Variants in ACOT9 observed in about 807,000 individuals in gnomAD.
The protein encoded by ACOT9 is acyl-CoA thioesterase 9.
ACOT9 carries 34 observed loss-of-function variants against 39.7 expected under a neutral mutation model. The ratio of observed to expected loss-of-function variants is 0.86; its 90% CI spans 0.65 to 1.14. The LOEUF (loss-of-function observed/expected upper bound fraction) is 1.14, where lower values mean the gene tolerates loss of function less well. ACOT9 is among the 50% of genes most tolerant of loss of function. ACOT9 has a pLI of 0.00. For missense variants in ACOT9, 313 were observed against 344.1 expected, an observed-to-expected ratio of 0.91 and a Z score of 0.71; for synonymous variants, 110 against 120.5, an observed-to-expected ratio of 0.91 and a Z score of 0.57.
intron 9 of ACOT9, among the ~76,000 whole-genome samples, chrX:23,710,079 T>C (rs1399415034): frequency 6.3e-5 from 7 of 111,571 alleles, no homozygotes; most frequent in Non-Finnish European, 1.1e-4. Flanking sequence ...TTAGTAGAGA[T>C]GGGGATTCGC....
At chrX:23,731,094 G>A in intron 4 of ACOT9, 108 bp from the exon 5 acceptor site, 1 of 616,082 alleles carries the variant, frequency 1.6e-6, no homozygotes, top group South Asian at 4.3e-5. Context: ...AGAAGGTCTG[G>A]GCCTACTTTC....
At position 23,730,431 on chromosome X, in the gene ACOT9, T is replaced by C. The variant is rs757483437; in HGVS notation, c.400+96A>G. The stretch of plus-strand genomic sequence containing the variant: ...TTTTGTGCACTTTAGAATATCATCA[T>C]CTGTGCAGGTTAAAGAATAAAAGAG... On this transcript the variant is annotated intron_variant, in intron 6 of 15. Transcript: ENST00000379303. 128 of 686,976 alleles carry C rather than the reference T, an allele frequency of 1.9e-4. 1 individual carries two copies. In the South Asian group the frequency reaches 2.9e-3, roughly 16 times the overall value. 56.6% of individuals were successfully genotyped at this position (686,976 alleles called of 1,213,427 possible).
chrX:23,730,934 T>A lies in ACOT9; in HGVS notation c.244A>T (p.Lys82Ter). The stretch of plus-strand genomic sequence containing the variant: ...CTAGGAGGCAGTCCATCCTGTGATT[T>A]AGCCAAGAAACTATGAAGTAATTTC... ...ERKLLHSFLA[K>*]SQDGLPPRRM... Residue 82 changes from lysine to a stop codon, truncating the protein, a stop_gained, in exon 5 of 16, where the codon AAA becomes TAA. Transcript: ENST00000379303. LOFTEE classifies it high-confidence loss of function. 4.1e-6 allele frequency: 5 copies of A among 1,211,175 alleles called. No individual in the cohort carries two copies. The highest frequency in any genetic ancestry group is 5.6e-6 in the Non-Finnish European group (5 of 894,889).
At chrX:23,721,714 A>T (rs1197645425) in intron 8 of ACOT9, among the ~76,000 whole-genome samples, 167 bp downstream of exon 8, 2 of 112,428 alleles carry the variant, frequency 1.8e-5, no homozygotes, top group Non-Finnish European at 3.7e-5. Context: ...TTTGTCCACA[A>T]GGAGGATATT....
At chrX:23,741,608 C>A (rs183446978) in intron 1 of ACOT9, among the ~76,000 whole-genome samples, 1 of 112,254 alleles carries the variant, frequency 8.9e-6, no homozygotes, top group African/African-American at 3.2e-5. Flanking sequence ...AGAACCTAAT[C>A]ATCTCAGTCT....
intron 15 of ACOT9, 24 bp from the exon 16 acceptor site, chrX:23,704,006 T>C: frequency 1.8e-6 from 2 of 1,141,229 alleles, no homozygotes; most frequent in Non-Finnish European, 2.4e-6. Context: ...AAGAGAACCT[T>C]GGAGAAACTT....
chrX:23,733,410 C>T (rs1929825687), intron 3 of ACOT9, among the ~76,000 whole-genome samples, 193 bp from the exon 4 acceptor site: 1 of 111,855 alleles, frequency 8.9e-6, no homozygotes, highest in Non-Finnish European at 1.9e-5. Flanking sequence ...CCTGAAAGAA[C>T]TATACTGTCT....
At chrX:23,710,472 G>A (rs1223178925) in intron 9 of ACOT9, among the ~76,000 whole-genome samples, 1 of 111,883 alleles carries the variant, frequency 8.9e-6, no homozygotes, top group South Asian at 3.7e-4. Flanking sequence ...AACTCCCACC[G>A]CCCAAAGAAG....
At chrX:23,709,010 A>G (rs764008041) in intron 9 of ACOT9, among the ~76,000 whole-genome samples, 1 of 112,481 alleles carries the variant, frequency 8.9e-6, no homozygotes, top group South Asian at 3.6e-4. Context: ...TGTAAGCATC[A>G]AATTTTTTGA....
intron 11 of ACOT9, 47 bp from the exon 12 acceptor site, chrX:23,705,905 T>G: frequency 9.7e-7 from 1 of 1,035,744 alleles, no homozygotes; most frequent in Non-Finnish European, 1.4e-6. Context: ...CATGGTTCTC[T>G]TGTTGAAAAG....
intron 6 of ACOT9, among the ~76,000 whole-genome samples, chrX:23,724,881 A>G (rs996140929): frequency 2.7e-5 from 3 of 111,631 alleles, no homozygotes; most frequent in Non-Finnish European, 5.6e-5. Flanking sequence ...AGGTTGCAGT[A>G]GGCTATGATT....
At chrX:23,708,938 C>T (rs771068603) in intron 9 of ACOT9, among the ~76,000 whole-genome samples, 1 of 111,904 alleles carries the variant, frequency 8.9e-6, no homozygotes, top group Admixed American at 9.6e-5. Context: ...AAGAGAATTA[C>T]GCAAATGTAA....
chrX:23,717,245 C>T (rs1455858589), intron 8 of ACOT9, among the ~76,000 whole-genome samples: 3 of 110,868 alleles, frequency 2.7e-5, no homozygotes, highest in Non-Finnish European at 5.7e-5. Flanking sequence ...CTGCCTCGGC[C>T]TCCCAAAGTC....
rs139891925 is a variant in ACOT9 at position 23,735,134 on chromosome X, G to A, written c.119-767C>T. 3.2e-3 allele frequency among the ~76,000 whole-genome samples: 331 copies of A among 104,195 alleles called. 7 individuals are homozygous for A. The East Asian group carries it at 0.035, about 11-fold the overall frequency. 90.5% of individuals were successfully genotyped at this position (104,195 alleles called of 115,157 possible). On this transcript the variant is annotated intron_variant, in intron 2 of 15. Coordinates refer to ENST00000379303, the MANE Select transcript of ACOT9 (RefSeq NM_001037171.2). ...CTAAAAATACAAAAATTAGTTGGGC[G>A]TGGTGGAGCATGCCTGTAATCCTAG... is the stretch of plus-strand genomic sequence containing the variant.
intron 6 of ACOT9, among the ~76,000 whole-genome samples, chrX:23,729,527 T>C (rs1220379975): frequency 8.9e-6 from 1 of 112,688 alleles, no homozygotes; most frequent in East Asian, 2.8e-4. Flanking sequence ...TTTGTAGTTA[T>C]GTAGAAGAAT....
At chrX:23,726,093 G>C (rs767722195) in intron 6 of ACOT9, among the ~76,000 whole-genome samples, 1 of 109,456 alleles carries the variant, frequency 9.1e-6, no homozygotes, top group South Asian at 3.9e-4. Context: ...CCAGCTACAT[G>C]GGAGGCTGAG....
intron 6 of ACOT9, among the ~76,000 whole-genome samples, chrX:23,726,483 G>A (rs1208463111): frequency 9.0e-6 from 1 of 110,518 alleles, no homozygotes; most frequent in African/African-American, 3.3e-5. Flanking sequence ...AGCTTGGCAA[G>A]AGCAGATTCA....
intron 10 of ACOT9, 24 bp from the exon 11 acceptor site, chrX:23,706,763 C>G (rs1434407619): frequency 1.0e-6 from 1 of 1,000,380 alleles, no homozygotes; most frequent in East Asian, 3.1e-5. Context: ...GAATAAGGAG[C>G]AATGATCAGG....
chrX:23,708,076 T>C, intron 9 of ACOT9, 132 bp from the exon 10 acceptor site: 1 of 504,497 alleles, frequency 2.0e-6, no homozygotes, highest in Non-Finnish European at 3.2e-6. Flanking sequence ...TTGCCTTACA[T>C]GTGAACGCTG....
Sources: gnomAD v4.1 joint callset for allele counts (sites outside exome capture counted in the v4.1 genomes callset) on GRCh38, gnomAD v4.1.1 for gene constraint, MANE v1.5 for transcripts, NCBI Gene and HGNC (gene_info 2026-07-23, HGNC 2026-07-21) for gene names.